DNAJC3: variants seen among roughly 807,000 people sequenced by gnomAD.
The protein encoded by DNAJC3 is dnaJ homolog subfamily C member 3.
Under a neutral mutation model 68.6 loss-of-function variants are expected in DNAJC3, and 38 were observed. That is an observed-to-expected ratio of 0.55 (90% CI 0.43 to 0.73). The LOEUF is 0.73. DNAJC3 is among the 30% of genes least tolerant of loss of function. The pLI is 0.00. For synonymous variants in DNAJC3, 203 were observed against 204.0 expected (o/e 1.00, Z 0.04); for missense variants, 526 against 591.9 (o/e 0.89, Z 1.16).
intron 1 of DNAJC3, among the ~76,000 whole-genome samples, chr13:95,680,663 TG>T (rs1420790408): frequency 1.3e-5 from 2 of 152,322 alleles, no homozygotes; most frequent in African/African-American, 4.8e-5. Context: ...TGCCTGGAAA[TG>T]CAGTGGTTTT....
chr13:95,770,681 G>C (rs1883133074), intron 9 of DNAJC3, among the ~76,000 whole-genome samples: 1 of 152,154 alleles, frequency 6.6e-6, no homozygotes, highest in Non-Finnish European at 1.5e-5. Context: ...CTTGCCCTCA[G>C]ATTTGATGTT....
chr13:95,680,220 T>C (rs949079975), intron 1 of DNAJC3, among the ~76,000 whole-genome samples: 3 of 152,214 alleles, frequency 2.0e-5, no homozygotes, highest in Admixed American at 2.0e-4. Context: ...ACGAAACCTT[T>C]TTTCTCTTAT....
intron 2 of DNAJC3, among the ~76,000 whole-genome samples, chr13:95,722,642 G>A (rs1450227291): frequency 2.0e-5 from 3 of 151,550 alleles, no homozygotes; most frequent in Admixed American, 1.3e-4. Flanking sequence ...GCCAGCCGTG[G>A]TGGAATACGC....
intron 10 of DNAJC3, 68 bp downstream of exon 10, chr13:95,786,139 C>G: frequency 9.9e-6 from 14 of 1,418,824 alleles, no homozygotes; most frequent in Non-Finnish European, 1.3e-5. Flanking sequence ...AATCATTGCT[C>G]TTTTTCCTCT....
chr13:95,712,305 G>A (rs1466956438), intron 2 of DNAJC3, among the ~76,000 whole-genome samples: 3 of 151,660 alleles, frequency 2.0e-5, no homozygotes, highest in African/African-American at 4.8e-5. Context: ...GATTGAGAAC[G>A]AGACAAGGAT....
intron 9 of DNAJC3, among the ~76,000 whole-genome samples, chr13:95,766,755 C>T (rs1883003609): frequency 6.6e-6 from 1 of 150,406 alleles, no homozygotes. Flanking sequence ...AGTGCAGTGG[C>T]ATGATCTCGG....
At chr13:95,687,628 C>T (rs114763143) in intron 1 of DNAJC3, among the ~76,000 whole-genome samples, 244 of 152,260 alleles carry the variant, frequency 1.6e-3, no homozygotes, top group African/African-American at 5.4e-3. Context: ...ACAACACTAC[C>T]TAAAGCAATC....
chr13:95,714,453 T>C (rs1007215864), intron 2 of DNAJC3, among the ~76,000 whole-genome samples: 13 of 151,158 alleles, frequency 8.6e-5, no homozygotes, highest in Non-Finnish European at 1.9e-4. Flanking sequence ...ATGTAAAGAA[T>C]GTAGAAATAT....
chr13:95,784,517 C>T (rs1883539671), intron 9 of DNAJC3, among the ~76,000 whole-genome samples: 1 of 152,192 alleles, frequency 6.6e-6, no homozygotes, highest in African/African-American at 2.4e-5. Context: ...TCGTTATAGA[C>T]ACTGCACCCA....
At chr13:95,681,143 G>A (rs921856380) in intron 1 of DNAJC3, among the ~76,000 whole-genome samples, 4 of 152,020 alleles carry the variant, frequency 2.6e-5, no homozygotes, top group Non-Finnish European at 4.4e-5. Flanking sequence ...CTCCTTTCCC[G>A]CTTTAGACTG....
At chr13:95,744,058 A>G (rs1882231143) in intron 4 of DNAJC3, among the ~76,000 whole-genome samples, 1 of 152,218 alleles carries the variant, frequency 6.6e-6, no homozygotes, top group African/African-American at 2.4e-5. Context: ...TTTGGGGAGA[A>G]TTGACACCTT....
intron 1 of DNAJC3, among the ~76,000 whole-genome samples, chr13:95,679,031 C>T (rs1879842719): frequency 6.6e-6 from 1 of 152,040 alleles, no homozygotes. Context: ...ATCTTATTCA[C>T]GAAAGCGTGT....
At chr13:95,696,174 T>C (rs1880435090) in intron 1 of DNAJC3, among the ~76,000 whole-genome samples, 1 of 152,192 alleles carries the variant, frequency 6.6e-6, no homozygotes, top group Admixed American at 6.5e-5. Context: ...ACCCTTGATA[T>C]TACATAGTGC....
chr13:95,742,640 C>A (rs754760279), intron 4 of DNAJC3: 2 of 515,448 alleles, frequency 3.9e-6, no homozygotes, highest in South Asian at 2.8e-5. Flanking sequence ...TTAGGTGTTT[C>A]CTGTTCCTTC....
chr13:95,720,835 T>C (rs2139638156), intron 2 of DNAJC3, among the ~76,000 whole-genome samples: 1 of 152,262 alleles, frequency 6.6e-6, no homozygotes, highest in East Asian at 1.9e-4. Context: ...GTTGTTAAAA[T>C]ACCTAATTCC....
At chr13:95,790,733 GA>G in intron 11 of DNAJC3, 139 bp from the exon 12 acceptor site, 1 of 969,898 alleles carries the variant, frequency 1.0e-6, no homozygotes, top group South Asian at 1.7e-5. Flanking sequence ...GCCTGGATTT[GA>G]ATGTCAGGCA....
intron 1 of DNAJC3, among the ~76,000 whole-genome samples, chr13:95,701,557 G>T (rs1301247593): frequency 6.6e-6 from 1 of 152,042 alleles, no homozygotes; most frequent in African/African-American, 2.4e-5. Context: ...ATGGTATTCC[G>T]CTGAAGTTTA....
intron 9 of DNAJC3, among the ~76,000 whole-genome samples, chr13:95,766,635 T>C (rs1883000652): frequency 1.3e-5 from 2 of 152,154 alleles, no homozygotes; most frequent in Non-Finnish European, 2.9e-5. Flanking sequence ...ACAAAAGTCA[T>C]AGTGGAGAGT....
chr13:95,720,811 G>A (rs1881297315), intron 2 of DNAJC3, among the ~76,000 whole-genome samples: 1 of 151,770 alleles, frequency 6.6e-6, no homozygotes, highest in African/African-American at 2.4e-5. Flanking sequence ...TTAAGAAAAA[G>A]AAGGTTTTTT....
Sources: gnomAD v4.1 joint callset for allele counts (sites outside exome capture counted in the v4.1 genomes callset) on GRCh38, gnomAD v4.1.1 for gene constraint, MANE v1.5 for transcripts, NCBI Gene and HGNC (gene_info 2026-07-23, HGNC 2026-07-21) for gene names.